Variants in STK31 observed in about 807,000 individuals in gnomAD.
The protein encoded by STK31 is serine/threonine kinase 31, also known as serine/threonine-protein kinase 31.
STK31 carries 89 observed loss-of-function variants against 129.7 expected under a neutral mutation model. That is an observed-to-expected ratio of 0.69 (90% CI 0.58 to 0.82). The LOEUF (loss-of-function observed/expected upper bound fraction) is 0.82, where lower values mean the gene tolerates loss of function less well. STK31 is among the 40% of genes least tolerant of loss of function. STK31 has a pLI of 0.00. For synonymous variants in STK31, 448 were observed against 395.3 expected (o/e 1.13, Z -1.58); for missense variants, 1,187 against 1,176.4 (o/e 1.01, Z -0.13).
At chr7:23,797,328 C>T (rs551103289) in intron 22 of STK31, among the ~76,000 whole-genome samples, 3 of 152,292 alleles carry the variant, frequency 2.0e-5, no homozygotes, top group African/African-American at 7.2e-5. Flanking sequence ...TTCAGCACCA[C>T]ATAACACTTA....
chr7:23,724,047 C>G (rs145126912), intron 4 of STK31, among the ~76,000 whole-genome samples: 3,481 of 152,088 alleles, frequency 0.023, 41 homozygotes, highest in Non-Finnish European at 0.035. Flanking sequence ...TAAAAACATG[C>G]AAGAATCAAA....
intron 21 of STK31, among the ~76,000 whole-genome samples, chr7:23,789,609 T>C (rs1245899336): frequency 6.6e-6 from 1 of 152,136 alleles, no homozygotes; most frequent in East Asian, 1.9e-4. Context: ...AAAGCTGGAT[T>C]GTACAGGATT....
In STK31 at chr7:23,785,552, C is replaced by A. The variant is rs764671026; in HGVS notation, c.2223C>A (p.Ser741Arg). Residue 741 changes from serine to arginine, a missense_variant, in exon 18 of 24, where the codon AGC (serine) becomes AGA (arginine). Transcript: ENST00000355870. ...LDAEPMKELS[S>R]KRPLVRSEVN... is the part of the protein sequence containing the mutation. ...CTGAGCCCATGAAGGAACTTAGCAG[C>A]AAGCGTCCTTTGGTACGTTCTGAGG... 11 of 1,613,870 alleles carry A rather than the reference C, an allele frequency of 6.8e-6. No homozygotes were observed. Among genetic ancestry groups the A allele is most frequent in the Non-Finnish European group, 1.7e-6 (2 of 1,179,910 alleles).
chr7:23,810,929 G>A (rs1793092111), intron 22 of STK31, among the ~76,000 whole-genome samples: 1 of 103,724 alleles, frequency 9.6e-6, no homozygotes, highest in South Asian at 2.5e-4. Flanking sequence ...GTATATATGT[G>A]TGTGTGTATA....
chr7:23,809,596 A>G (rs544309424), intron 22 of STK31, among the ~76,000 whole-genome samples: 2 of 152,220 alleles, frequency 1.3e-5, no homozygotes, highest in South Asian at 4.1e-4. Context: ...GACCTTTTAT[A>G]TATGCAGGCT....
At chr7:23,728,336 A>G (rs1584339954) in intron 5 of STK31, among the ~76,000 whole-genome samples, 1 of 152,098 alleles carries the variant, frequency 6.6e-6, no homozygotes, top group African/African-American at 2.4e-5. Flanking sequence ...TGTTTCAGAA[A>G]TATTTTCTTT....
intron 23 of STK31, among the ~76,000 whole-genome samples, chr7:23,823,937 G>T (rs1793945248): frequency 6.6e-6 from 1 of 152,144 alleles, no homozygotes; most frequent in Non-Finnish European, 1.5e-5. Context: ...TGAGGCCTCT[G>T]TTCTGTTCCA....
chr7:23,712,985 G>A (rs1786071528), intron 3 of STK31, among the ~76,000 whole-genome samples: 1 of 152,052 alleles, frequency 6.6e-6, no homozygotes, highest in African/African-American at 2.4e-5. Context: ...TCGTAATGTG[G>A]GAAATAAGGA....
chr7:23,761,653 C>CT (rs1360185029), intron 10 of STK31, among the ~76,000 whole-genome samples: 1 of 151,532 alleles, frequency 6.6e-6, no homozygotes, highest in East Asian at 1.9e-4. Context: ...CATGATCCGC[C>CT]TGCCTCGGCC....
intron 11 of STK31, among the ~76,000 whole-genome samples, chr7:23,767,304 A>G (rs1051492095): frequency 2.0e-5 from 3 of 152,188 alleles, no homozygotes; most frequent in Non-Finnish European, 2.9e-5. Flanking sequence ...CCTTGGAACT[A>G]TAAGCTACCT....
At position 23,806,510 on chromosome 7, in the gene STK31, C is replaced by A. The variant is rs909355635; in HGVS notation, c.2761-8634C>A. Among the ~76,000 whole-genome samples the A allele has an allele frequency of 3.9e-5, 6 of 152,228 alleles. No homozygotes were observed. In the East Asian group the frequency reaches 9.7e-4, roughly 24 times the overall value. ...GGAGAGAAAGGAACATGGGTAGCAG[C>A]CCCTTAAAATCTAGAGGTTTTATGA... On this transcript the variant is annotated intron_variant, in intron 22 of 23. Transcript: ENST00000355870.
rs199794042 is a variant in STK31, at chr7:23,808,968, T to C, written c.2761-6176T>C. Among the ~76,000 whole-genome samples, 10 of 130,552 alleles carry C rather than the reference T, an allele frequency of 7.7e-5. 1 individual carries two copies. The highest frequency in any genetic ancestry group is 5.1e-4 in the South Asian group (2 of 3,936). 85.6% of individuals were successfully genotyped at this position (130,552 alleles called of 152,430 possible). ...TTGTGTGTGTGTGTGTGTGTGTGTG[T>C]GTGCCTGTGTCTGTTGGCATTTCTG... On this transcript the variant is annotated intron_variant, in intron 22 of 23. Coordinates refer to ENST00000355870, the MANE Select transcript of STK31 (RefSeq NM_031414.5).
intron 22 of STK31, among the ~76,000 whole-genome samples, chr7:23,794,646 C>A (rs1386612575): frequency 6.6e-6 from 1 of 152,052 alleles, no homozygotes; most frequent in East Asian, 1.9e-4. Flanking sequence ...TGGCTTTGAG[C>A]AAAATGCTGA....
Position 23,754,280 on chromosome 7 carries a change from A to G in STK31, c.1134-35A>G, listed in dbSNP as rs1313787367. On this transcript the variant is annotated intron_variant, in intron 9 of 23. Transcript: ENST00000355870. ...TTTTCTCACACCAGCTTTCTAATTT[A>G]TTGATCTTCTTCTTTTTGATGTTTT... The G allele has an allele frequency of 1.9e-6, 3 of 1,592,472 alleles. No homozygotes were observed. In the African/African-American group the frequency reaches 4.1e-5, roughly 22 times the overall value.
chr7:23,805,023 A>G (rs774338430), intron 22 of STK31, among the ~76,000 whole-genome samples: 3 of 151,736 alleles, frequency 2.0e-5, no homozygotes, highest in Non-Finnish European at 2.9e-5. Context: ...ACTCAATTTT[A>G]GATAAGCTAT....
intron 3 of STK31, among the ~76,000 whole-genome samples, chr7:23,715,626 G>A (rs945813745): frequency 6.6e-6 from 1 of 152,004 alleles, no homozygotes. Context: ...AGTCTGTATA[G>A]TGAAAAAATA....
chr7:23,719,831 C>T (rs1327876694), intron 4 of STK31, among the ~76,000 whole-genome samples: 1 of 152,064 alleles, frequency 6.6e-6, no homozygotes, highest in Admixed American at 6.5e-5. Context: ...ATATCTGAAT[C>T]TTAGCAGAGA....
chr7:23,724,581 C>T (rs1229897454), intron 4 of STK31, among the ~76,000 whole-genome samples: 1 of 152,148 alleles, frequency 6.6e-6, no homozygotes, highest in Non-Finnish European at 1.5e-5. Flanking sequence ...TTACCTTATA[C>T]CAAATTATTA....
intron 4 of STK31, among the ~76,000 whole-genome samples, chr7:23,718,785 C>G (rs1217242954): frequency 1.3e-5 from 2 of 152,000 alleles, no homozygotes; most frequent in Non-Finnish European, 2.9e-5. Context: ...TTTAACTACT[C>G]TGAATGAAAC....
Sources: gnomAD v4.1 joint callset for allele counts (sites outside exome capture counted in the v4.1 genomes callset) on GRCh38, gnomAD v4.1.1 for gene constraint, MANE v1.5 for transcripts, NCBI Gene and HGNC (gene_info 2026-07-23, HGNC 2026-07-21) for gene names.